Variants in SLC9A9 observed in about 807,000 individuals in gnomAD.
SLC9A9 encodes the protein solute carrier family 9 member A9.
Under a neutral mutation model 77.8 loss-of-function variants are expected in SLC9A9, and 62 were observed. The ratio of observed to expected loss-of-function variants is 0.80; its 90% CI spans 0.65 to 0.98. The LOEUF is 0.98. Among genes scored for constraint, SLC9A9 ranks in the 50% least tolerant of loss-of-function variants. SLC9A9 has a pLI of 0.00. For synonymous variants in SLC9A9, 320 were observed against 283.5 expected, an observed-to-expected ratio of 1.13 and a Z score of -1.29; for missense variants, 775 against 774.9, an observed-to-expected ratio of 1.00 and a Z score of 0.00.
At chr3:143,501,743 G>A (rs1052164400) in intron 9 of SLC9A9, among the ~76,000 whole-genome samples, 3 of 150,844 alleles carry the variant, frequency 2.0e-5, no homozygotes, top group South Asian at 2.1e-4. Flanking sequence ...TTTATATCAC[G>A]TAACAACATT....
intron 9 of SLC9A9, among the ~76,000 whole-genome samples, chr3:143,532,034 A>G (rs1472158435): frequency 6.6e-6 from 1 of 152,248 alleles, no homozygotes; most frequent in Admixed American, 6.5e-5. Context: ...TAAACCAGAA[A>G]TAAAAGAAAT....
intron 13 of SLC9A9, among the ~76,000 whole-genome samples, chr3:143,369,021 C>T (rs912810953): frequency 5.5e-4 from 84 of 152,138 alleles, no homozygotes; most frequent in African/African-American, 2.0e-3. Context: ...TCAGAAAATA[C>T]ATGCCTAGAG....
chr3:143,718,025 T>C (rs554261698), intron 4 of SLC9A9, among the ~76,000 whole-genome samples: 1 of 151,536 alleles, frequency 6.6e-6, no homozygotes, highest in South Asian at 2.1e-4. Context: ...AACTGAAGAA[T>C]CCAGATGGTT....
At chr3:143,305,811 C>T (rs577898726) in intron 14 of SLC9A9, among the ~76,000 whole-genome samples, 1 of 152,300 alleles carries the variant, frequency 6.6e-6, no homozygotes, top group Non-Finnish European at 1.5e-5. Context: ...CAGAAGTGGG[C>T]TGGCTGGAAA....
chr3:143,761,079 C>T (rs999784976), intron 4 of SLC9A9, among the ~76,000 whole-genome samples: 9 of 152,126 alleles, frequency 5.9e-5, no homozygotes, highest in African/African-American at 1.9e-4. Context: ...CTGACAAAAA[C>T]AGGAAATGGG....
chr3:143,639,399 C>T (rs2038583662), intron 6 of SLC9A9, among the ~76,000 whole-genome samples: 1 of 152,198 alleles, frequency 6.6e-6, no homozygotes, highest in African/African-American at 2.4e-5. Context: ...GCATTCATGC[C>T]TCTGGTTACA....
Position 143,281,856 on chromosome 3 carries a change from T to C in SLC9A9, c.1605-12876A>G, listed in dbSNP as rs557788547. The stretch of plus-strand genomic sequence containing the variant: ...TCACGGTTACGTCCTTGCTAGATAC[T>C]AGAACTGCACTGTCCTCCACTGATC... On this transcript the variant is annotated intron_variant, in intron 14 of 15. Coordinates refer to ENST00000316549, the MANE Select transcript of SLC9A9 (RefSeq NM_173653.4). Among the ~76,000 whole-genome samples, 6 of 152,352 alleles carry C rather than the reference T, an allele frequency of 3.9e-5. No individual in the cohort carries two copies. The South Asian group carries it at 8.3e-4, about 21-fold the overall frequency.
intron 2 of SLC9A9, among the ~76,000 whole-genome samples, chr3:143,809,393 C>A (rs2008805460): frequency 1.3e-5 from 2 of 152,210 alleles, no homozygotes; most frequent in Non-Finnish European, 2.9e-5. Flanking sequence ...TTTGTGTATA[C>A]AAAACAGATT....
chr3:143,417,631 G>A lies in SLC9A9; in HGVS notation c.1470-35517C>T, dbSNP rs116326477. On this transcript the variant is annotated intron_variant, in intron 12 of 15. Coordinates refer to ENST00000316549, the MANE Select transcript of SLC9A9 (RefSeq NM_173653.4). Reference sequence around the variant, plus strand: ...CACATGGAAGCACCAAGAAAAGACCGTGTGAGGACAGTGAGAAGGTGGCTG... The same window carrying A: ...CACATGGAAGCACCAAGAAAAGACCATGTGAGGACAGTGAGAAGGTGGCTG... Among the ~76,000 whole-genome samples the A allele has an allele frequency of 2.6e-3, 403 of 152,080 alleles. 2 individuals carry two copies. The highest frequency in any genetic ancestry group is 9.3e-3 in the African/African-American group (386 of 41,502).
chr3:143,471,460 T>C (rs1387979361), intron 11 of SLC9A9, among the ~76,000 whole-genome samples: 6 of 152,174 alleles, frequency 3.9e-5, no homozygotes, highest in African/African-American at 7.2e-5. Flanking sequence ...AGGATTGAAA[T>C]AGATTATTAG....
At chr3:143,493,125 C>A (rs1317956459) in intron 11 of SLC9A9, among the ~76,000 whole-genome samples, 2 of 152,182 alleles carry the variant, frequency 1.3e-5, no homozygotes, top group East Asian at 3.8e-4. Flanking sequence ...ATCTCAGGCA[C>A]CTGGTGAGTG....
chr3:143,363,108 C>A (rs1458762373), intron 14 of SLC9A9, among the ~76,000 whole-genome samples: 1 of 152,120 alleles, frequency 6.6e-6, no homozygotes, highest in African/African-American at 2.4e-5. Flanking sequence ...GTTACCCTGG[C>A]CAGAGGCTGC....
At position 143,382,025 on chromosome 3, in the gene SLC9A9, T is replaced by A. The variant is rs369442200; in HGVS notation, c.1524+35A>T. On this transcript the variant is annotated intron_variant, in intron 13 of 15. Coordinates refer to ENST00000316549, the MANE Select transcript of SLC9A9 (RefSeq NM_173653.4). ...CAGCCTATGGAACAGAACAATCATA[T>A]CTCTATATAATGTGCATTGGTTTCT... The A allele has an allele frequency of 7.4e-6, 12 of 1,611,672 alleles. No individual in the cohort carries two copies. The African/African-American group carries it at 1.6e-4, about 22-fold the overall frequency.
intron 4 of SLC9A9, among the ~76,000 whole-genome samples, chr3:143,782,894 T>C (rs1320484618): frequency 6.6e-6 from 1 of 152,164 alleles, no homozygotes; most frequent in African/African-American, 2.4e-5. Context: ...CAAAATGAAC[T>C]TATGGCTGAA....
intron 8 of SLC9A9, among the ~76,000 whole-genome samples, chr3:143,559,101 C>A (rs902996579): frequency 6.6e-6 from 1 of 152,160 alleles, no homozygotes; most frequent in African/African-American, 2.4e-5. Context: ...AGAAGAGGTG[C>A]CTTCCGCTAT....
At chr3:143,793,335 T>C (rs988022956) in intron 4 of SLC9A9, among the ~76,000 whole-genome samples, 3 of 152,226 alleles carry the variant, frequency 2.0e-5, no homozygotes. Flanking sequence ...TTTTTCATGA[T>C]AGTGAAAGCA....
chr3:143,712,044 G>C (rs926256228), intron 4 of SLC9A9, among the ~76,000 whole-genome samples: 1 of 152,090 alleles, frequency 6.6e-6, no homozygotes, highest in Non-Finnish European at 1.5e-5. Flanking sequence ...CTATCACCTC[G>C]ATATATGGAC....
At chr3:143,804,700 CT>C (rs1469274674) in intron 2 of SLC9A9, among the ~76,000 whole-genome samples, 1 of 152,184 alleles carries the variant, frequency 6.6e-6, no homozygotes, top group Admixed American at 6.5e-5. Flanking sequence ...CCCTGTTCCC[CT>C]CATGACACCA....
intron 5 of SLC9A9, among the ~76,000 whole-genome samples, chr3:143,681,168 C>A (rs1933077398): frequency 6.6e-6 from 1 of 152,124 alleles, no homozygotes; most frequent in Non-Finnish European, 1.5e-5. Context: ...CTTTGTAGTT[C>A]TTCTACAAAT....
Sources: gnomAD v4.1 joint callset for allele counts (sites outside exome capture counted in the v4.1 genomes callset) on GRCh38, gnomAD v4.1.1 for gene constraint, MANE v1.5 for transcripts, NCBI Gene and HGNC (gene_info 2026-07-23, HGNC 2026-07-21) for gene names.